The following NUDCD1 variants were observed in gnomAD, a reference collection of about 807,000 sequenced individuals.
NUDCD1 encodes the protein nudC domain-containing protein 1.
In NUDCD1, 60 loss-of-function variants were observed where a neutral mutation model predicts 67.8. That is an observed-to-expected ratio of 0.88 (90% CI 0.72 to 1.10). The LOEUF (loss-of-function observed/expected upper bound fraction) is 1.10, where lower values mean the gene tolerates loss of function less well. Ranked by LOEUF, NUDCD1 falls within the 50% of genes least tolerant of loss-of-function variation. The probability of loss-of-function intolerance (pLI) is 0.00; values close to 1 mark genes in which losing one functional copy is unlikely to be tolerated. For synonymous variants in NUDCD1, 244 were observed against 230.8 expected (o/e 1.06, Z -0.52); for missense variants, 643 against 695.0 (o/e 0.93, Z 0.84).
intron 5 of NUDCD1, among the ~76,000 whole-genome samples, chr8:109,289,463 T>C (rs1814650615): frequency 6.6e-6 from 1 of 152,102 alleles, no homozygotes; most frequent in Admixed American, 6.6e-5. Context: ...TAATAGCAAA[T>C]AGACATTTAT....
At chr8:109,266,727 T>C (rs1164562918) in intron 8 of NUDCD1, among the ~76,000 whole-genome samples, 1 of 152,156 alleles carries the variant, frequency 6.6e-6, no homozygotes, top group African/African-American at 2.4e-5. Flanking sequence ...TTCAATTCTA[T>C]CTGAATTCTG....
At chr8:109,295,872 C>T (rs1017665996) in intron 3 of NUDCD1, among the ~76,000 whole-genome samples, 7 of 151,974 alleles carry the variant, frequency 4.6e-5, no homozygotes, top group Middle Eastern at 3.4e-3. Context: ...CCTAAACTAC[C>T]CTTTAGATTT....
intron 5 of NUDCD1, among the ~76,000 whole-genome samples, chr8:109,285,261 T>C (rs780132918): frequency 2.0e-4 from 29 of 146,300 alleles, no homozygotes; most frequent in Non-Finnish European, 3.0e-4. Context: ...CCAATTCTAC[T>C]GAAACTATTC....
intron 8 of NUDCD1, among the ~76,000 whole-genome samples, chr8:109,255,128 C>T (rs1179163795): frequency 6.6e-6 from 1 of 152,170 alleles, no homozygotes; most frequent in Non-Finnish European, 1.5e-5. Flanking sequence ...CCACCACCTG[C>T]ATGTTCTCCC....
chr8:109,332,016 G>C (rs1563688948), intron 1 of NUDCD1, among the ~76,000 whole-genome samples: 1 of 152,138 alleles, frequency 6.6e-6, no homozygotes, highest in Non-Finnish European at 1.5e-5. Flanking sequence ...GCTTTCCCAT[G>C]AATGGAATGA....
chr8:109,280,895 A>C lies in NUDCD1; in HGVS notation c.1028+73T>G, dbSNP rs181712542. The C allele has an allele frequency of 1.2e-4, 82 of 678,344 alleles. No individual in the cohort carries two copies. In the African/African-American group the frequency reaches 1.4e-3, roughly 11 times the overall value. 42.0% of individuals were successfully genotyped at this position (678,344 alleles called of 1,614,324 possible). A position where few individuals can be genotyped will look rare whatever the true frequency, so the allele number is the denominator to read the frequency against. On this transcript the variant is annotated intron_variant, in intron 6 of 9. Coordinates refer to ENST00000239690, the MANE Select transcript of NUDCD1 (RefSeq NM_032869.4). ...GAACTATTGTATTAATCTCTGATGT[A>C]ACCACTGTGGAAAGAGTAAAAAGAA...
chr8:109,280,956 A>T lies in NUDCD1; in HGVS notation c.1028+12T>A, dbSNP rs200793141. 4.0e-4 allele frequency: 90 copies of T among 226,550 alleles called. No homozygotes were observed. The African/African-American group carries it at 9.2e-3, about 23-fold the overall frequency. The allele number at this position is 226,550 out of a possible 1,614,324, so 14.0% of individuals were successfully genotyped here. A position where few individuals can be genotyped will look rare whatever the true frequency, so the allele number is the denominator to read the frequency against. On this transcript the variant is annotated intron_variant, in intron 6 of 9. Transcript: ENST00000239690. The stretch of plus-strand genomic sequence containing the variant: ...GATAATAGAATATTAAAGTAAAATT[A>T]AAAAAAAATACCTATTACTCTCTTT...
intron 5 of NUDCD1, among the ~76,000 whole-genome samples, chr8:109,289,110 G>A (rs966286849): frequency 1.1e-4 from 17 of 151,816 alleles, no homozygotes; most frequent in African/African-American, 4.1e-4. Context: ...CAAGTAGCTG[G>A]CACTACAGGC....
chr8:109,331,373 G>A (rs1262392271), intron 1 of NUDCD1, among the ~76,000 whole-genome samples: 1 of 151,966 alleles, frequency 6.6e-6, no homozygotes, highest in Non-Finnish European at 1.5e-5. Context: ...AAAATTAGCT[G>A]GGCATGGTGG....
At chr8:109,319,780 A>AAT (rs1349218382) in intron 2 of NUDCD1, among the ~76,000 whole-genome samples, 5 of 152,186 alleles carry the variant, frequency 3.3e-5, no homozygotes, top group Admixed American at 3.3e-4. Context: ...TTATTTTAAG[A>AAT]ATATATATCA....
intron 6 of NUDCD1, among the ~76,000 whole-genome samples, chr8:109,277,561 G>A (rs777384929): frequency 2.0e-5 from 3 of 151,854 alleles, no homozygotes; most frequent in Non-Finnish European, 4.4e-5. Flanking sequence ...GAAAACGAGA[G>A]GTACGAATAA....
chr8:109,249,683 A>T (rs1184970509), intron 8 of NUDCD1, among the ~76,000 whole-genome samples: 2 of 152,192 alleles, frequency 1.3e-5, no homozygotes, highest in African/African-American at 4.8e-5. Flanking sequence ...TCATGTTTCA[A>T]ATAAGATTTG....
rs571683118 is a variant in NUDCD1, at chr8:109,242,783, ACT to A, written c.*224_*225del. ...AAGTATACTTGCTAGTACTATCTTC[ACT>A]CTTTTTTTTTTTCAGAAGCCAATGT... On this transcript the variant is annotated 3_prime_UTR_variant, in exon 10 of 10. Transcript: ENST00000239690. 33 of 300,444 alleles carry A rather than the reference ACT, an allele frequency of 1.1e-4. No individual in the cohort carries two copies. The highest frequency in any genetic ancestry group is 6.4e-4 in the African/African-American group (27 of 42,220). The allele number at this position is 300,444 out of a possible 1,614,324, so 18.6% of individuals were successfully genotyped here.
At chr8:109,247,798 G>A (rs2129862989) in intron 8 of NUDCD1, among the ~76,000 whole-genome samples, 1 of 152,152 alleles carries the variant, frequency 6.6e-6, no homozygotes, top group South Asian at 2.1e-4. Flanking sequence ...GAGAACTCCA[G>A]CATCATGTAT....
At chr8:109,290,703 T>C (rs1814692912) in intron 4 of NUDCD1, among the ~76,000 whole-genome samples, 2 of 152,142 alleles carry the variant, frequency 1.3e-5, no homozygotes, top group African/African-American at 4.8e-5. Flanking sequence ...AGACAGTAAT[T>C]TTTTGCTTTA....
chr8:109,289,695 G>T (rs1277789564), intron 5 of NUDCD1, 56 bp downstream of exon 5: 13 of 891,646 alleles, frequency 1.5e-5, no homozygotes, highest in Non-Finnish European at 2.1e-5. Flanking sequence ...GAAAATAAAA[G>T]ACATAAATAT....
At chr8:109,298,272 T>C (rs1034864496) in intron 2 of NUDCD1, among the ~76,000 whole-genome samples, 2 of 152,174 alleles carry the variant, frequency 1.3e-5, no homozygotes, top group Admixed American at 6.5e-5. Context: ...TGGTCTTCCA[T>C]CAGTATGTTT....
At chr8:109,293,885 T>C (rs565434269) in intron 3 of NUDCD1, among the ~76,000 whole-genome samples, 2 of 152,118 alleles carry the variant, frequency 1.3e-5, no homozygotes, top group African/African-American at 2.4e-5. Flanking sequence ...GTCAAAAACA[T>C]TGAAGAATAA....
intron 2 of NUDCD1, chr8:109,313,816 G>T: frequency 9.5e-7 from 1 of 1,058,114 alleles, no homozygotes; most frequent in Non-Finnish European, 1.3e-6. Flanking sequence ...CATGACGGAG[G>T]TTGCTAGAAG....
Sources: allele counts gnomAD v4.1 joint callset (sites outside exome capture counted in the v4.1 genomes callset), GRCh38; gene constraint gnomAD v4.1.1; transcripts MANE v1.5; gene names NCBI Gene and HGNC (gene_info 2026-07-23, HGNC 2026-07-21).